Variants in ERMARD observed in about 807,000 individuals in gnomAD.
ERMARD encodes ER membrane associated RNA degradation.
ERMARD carries 71 observed loss-of-function variants against 83.9 expected under a neutral mutation model. The ratio of observed to expected loss-of-function variants is 0.85; its 90% CI spans 0.70 to 1.03. ERMARD has a LOEUF of 1.03. Among genes scored for constraint, ERMARD ranks in the 50% least tolerant of loss-of-function variants. The pLI is 0.00. For missense variants in ERMARD, 838 were observed against 810.9 expected, an observed-to-expected ratio of 1.03 and a Z score of -0.41; for synonymous variants, 284 against 298.6, an observed-to-expected ratio of 0.95 and a Z score of 0.50.
At chr6:169,760,778 G>A in intron 8 of ERMARD, 22 bp downstream of exon 8, 1 of 1,553,170 alleles carries the variant, frequency 6.4e-7, no homozygotes, top group Non-Finnish European at 8.8e-7. Context: ...GTACATGGCA[G>A]AGTGGTTTGC....
At position 169,762,366 on chromosome 6, in the gene ERMARD, C is replaced by T. The variant is rs368634214; in HGVS notation, c.858-63C>T. On this transcript the variant is annotated intron_variant, in intron 8 of 17. Coordinates refer to ENST00000366773, the MANE Select transcript of ERMARD (RefSeq NM_018341.3). ...CTGGGATTACAGGCATGAGCCACTG[C>T]ACCTGGCCTAATATTTATTTTTGAA... 1.6e-3 allele frequency: 2,377 copies of T among 1,469,274 alleles called. 43 individuals carry two copies. In the South Asian group the frequency reaches 0.021, roughly 13 times the overall value. 91.0% of individuals were successfully genotyped at this position (1,469,274 alleles called of 1,614,324 possible).
chr6:169,773,089 T>A (rs558146019), intron 12 of ERMARD: 60 of 449,368 alleles, frequency 1.3e-4, no homozygotes, highest in African/African-American at 8.6e-4. Context: ...AGGGTGGGTG[T>A]GGCATTTGTG....
At chr6:169,761,673 G>GGTTTTGTTTTGTTTT (rs57170501) in intron 8 of ERMARD, among the ~76,000 whole-genome samples, 30,712 of 151,194 alleles carry the variant, frequency 0.2, 3,647 homozygotes, top group African/African-American at 0.34. Flanking sequence ...ATGTGTAAGT[G>GGTTTTGTTTTGTTTT]GTTTTGTTTT....
chr6:169,760,866 T>C (rs1791464822), intron 8 of ERMARD, 110 bp downstream of exon 8: 2 of 702,608 alleles, frequency 2.8e-6, no homozygotes, highest in Non-Finnish European at 4.8e-6. Flanking sequence ...GAAGAGAACC[T>C]GGACTGACTT....
At position 169,753,890 on chromosome 6, in the gene ERMARD, A is replaced by C. The variant is rs140054205; in HGVS notation, c.33A>C (p.Thr11=). MEVLIGDPIT[T]CLSPSVYDII... is the part of the protein sequence containing the mutation. ...TATTAATAGGGGACCCTATTACCAC[A>C]TGTCTTTCTCCCTCAGTGTATGATA... Residue 11 remains threonine, a synonymous_variant, in exon 2 of 18, where the codon ACA becomes ACC. Coordinates refer to ENST00000366773, the MANE Select transcript of ERMARD (RefSeq NM_018341.3). The C allele has an allele frequency of 9.4e-6, 15 of 1,602,514 alleles. No individual in the cohort carries two copies. Among genetic ancestry groups the C allele is most frequent in the Non-Finnish European group, 1.3e-5 (15 of 1,173,610 alleles).
In ERMARD at chr6:169,754,024, CAG is replaced by C. The variant is rs770450852; in HGVS notation, c.170_171del (p.Glu57ValfsTer19). ...ACAATCACAGACTGTGTGAGCTACACAGAGTCAGGTTTGTGCTGTCTTTGTAC... is the reference window on the plus strand; with the variant it reads ...ACAATCACAGACTGTGTGAGCTACACAGTCAGGTTTGTGCTGTCTTTGTAC... On this transcript the variant is annotated frameshift_variant, in exon 2 of 18. Transcript: ENST00000366773. LOFTEE classifies it high-confidence loss of function. The C allele has an allele frequency of 3.7e-6, 6 of 1,610,374 alleles. No homozygotes were observed. Among genetic ancestry groups the C allele is most frequent in the South Asian group, 1.1e-5 (1 of 90,688 alleles).
At chr6:169,751,837 A>G (rs2128338376) in intron 1 of ERMARD, 174 bp downstream of exon 1, 1 of 988,550 alleles carries the variant, frequency 1.0e-6, no homozygotes, top group African/African-American at 1.7e-5. Context: ...GCGGTATCGG[A>G]CGCTCGGCCC....
chr6:169,776,365 C>T, intron 15 of ERMARD, 90 bp from the exon 16 acceptor site: 1 of 1,557,776 alleles, frequency 6.4e-7, no homozygotes, highest in Non-Finnish European at 8.7e-7. Flanking sequence ...AGCCCTGGCT[C>T]CCAGAAAGCC....
rs768492983 is a variant in ERMARD, at chr6:169,755,417, C to G, written c.310C>G (p.Pro104Ala). ...YAPWFQWTSF[P>A]ELFPEIFDAL... ...ACCGTGGTTCCAGTGGACAAGTTTT[C>G]CAGAGGTTTGGCTTTTGAACAACCT... is the stretch of plus-strand genomic sequence containing the variant. The change falls in exon 3 of 18, where the codon CCA (proline) becomes GCA (alanine). Residue 104 changes from proline (P) to alanine (A), a missense_variant. Physicochemically the swap from Pro to Ala is conservative, Grantham distance 27 (BLOSUM62 -1). Transcript: ENST00000366773. The G allele has an allele frequency of 6.2e-6, 10 of 1,614,038 alleles. No individual in the cohort carries two copies. The South Asian group carries it at 9.9e-5, about 16-fold the overall frequency.
chr6:169,759,195 A>G (rs972465538), intron 6 of ERMARD, 130 bp downstream of exon 6: 12 of 784,278 alleles, frequency 1.5e-5, no homozygotes, highest in Non-Finnish European at 2.3e-5. Flanking sequence ...TTTTGAAGCT[A>G]AAATTGAATA....
In ERMARD at chr6:169,760,722, T is replaced by A. The variant is rs1202853834; in HGVS notation, c.823T>A (p.Trp275Arg). 2 of 1,614,060 alleles carry A rather than the reference T, an allele frequency of 1.2e-6. No homozygotes were observed. Among genetic ancestry groups the A allele is most frequent in the Non-Finnish European group, 1.7e-6 (2 of 1,179,924 alleles). Residue 275 changes from tryptophan (W) to arginine (R), a missense_variant, in exon 8 of 18, where the codon TGG becomes AGG. Transcript: ENST00000366773. The part of the protein sequence containing the change: ...AFILKIMLPY[W>R]EVALVKFKSH... ...TATATTAAAAATCATGTTACCATATTGGGAAGTTGCACTGGTCAAGTTCAA... is the reference window on the plus strand; with the variant it reads ...TATATTAAAAATCATGTTACCATATAGGGAAGTTGCACTGGTCAAGTTCAA...
intron 5 of ERMARD, among the ~76,000 whole-genome samples, chr6:169,758,728 G>A (rs554609212): frequency 6.6e-6 from 1 of 152,258 alleles, no homozygotes; most frequent in South Asian, 2.1e-4. Context: ...CCTAGATGCT[G>A]GGGATAATCA....
chr6:169,772,307 G>A (rs1180169670), intron 12 of ERMARD, among the ~76,000 whole-genome samples: 1 of 152,184 alleles, frequency 6.6e-6, no homozygotes, highest in Admixed American at 6.5e-5. Flanking sequence ...TCTGCCCTGC[G>A]GGGACGTCAC....
chr6:169,751,710 T>C (rs1790121277), intron 1 of ERMARD, 47 bp downstream of exon 1: 4 of 1,527,304 alleles, frequency 2.6e-6, no homozygotes, highest in Non-Finnish European at 3.5e-6. Context: ...AGGCAGGGAG[T>C]CGGCGCCAGG....
chr6:169,773,302 T>C lies in ERMARD; in HGVS notation c.1234-17T>C, dbSNP rs578154174. On this transcript the variant is annotated splice_polypyrimidine_tract_variant and intron_variant, in intron 12 of 17. Coordinates refer to ENST00000366773, the MANE Select transcript of ERMARD (RefSeq NM_018341.3). Reference sequence around the variant, plus strand: ...CCCACCCAAACATGATAGTAACCACTGTTTTCTCTGCACTAGGAAAAATCA... The same window carrying C: ...CCCACCCAAACATGATAGTAACCACCGTTTTCTCTGCACTAGGAAAAATCA... 4 of 1,612,672 alleles carry C rather than the reference T, an allele frequency of 2.5e-6. No individual in the cohort carries two copies. The South Asian group carries it at 4.4e-5, about 18-fold the overall frequency.
At position 169,775,993 on chromosome 6, in the gene ERMARD, C is replaced by T. The variant is rs776602765; in HGVS notation, c.1448C>T (p.Thr483Met). The T allele has an allele frequency of 1.2e-5, 20 of 1,614,010 alleles. No homozygotes were observed. The highest frequency in any genetic ancestry group is 8.9e-5 in the East Asian group (4 of 44,894). ...NACHSLITKMTDELYHHMPEN... is the reference protein window; with the variant it reads ...NACHSLITKMMDELYHHMPEN... ...TGCCACTCTTTGATTACAAAAATGA[C>T]GGATGAGCTGTATCACCATATGCCT... Residue 483 changes from threonine (T) to methionine (M), a missense_variant, in exon 15 of 18, where the codon ACG becomes ATG. Thr to Met is a moderately conservative substitution (Grantham distance 81, BLOSUM62 -1). Transcript: ENST00000366773.
Position 169,760,759 on chromosome 6 carries a change from A to T in ERMARD, c.857+3A>T, listed in dbSNP as rs1357636420. 1.2e-6 allele frequency: 2 copies of T among 1,600,576 alleles called. No homozygotes were observed. The highest frequency in any genetic ancestry group is 1.3e-5 in the African/African-American group (1 of 74,586). On this transcript the variant is annotated splice_donor_region_variant and intron_variant, in intron 8 of 17. Coordinates refer to ENST00000366773, the MANE Select transcript of ERMARD (RefSeq NM_018341.3). Reference sequence around the variant, plus strand: ...CTGGTCAAGTTCAAGTCACACAGGTAACTAAAGGGTACATGGCAGAGTGGT... The same window carrying T: ...CTGGTCAAGTTCAAGTCACACAGGTTACTAAAGGGTACATGGCAGAGTGGT...
intron 12 of ERMARD, 24 bp from the exon 13 acceptor site, chr6:169,773,295 T>C: frequency 6.2e-7 from 1 of 1,609,676 alleles, no homozygotes; most frequent in Non-Finnish European, 8.5e-7. Context: ...AACATGATAG[T>C]AACCACTGTT....
rs372782914 is a variant in ERMARD, at chr6:169,775,289, G to A, written c.1337G>A (p.Ser446Asn). 1.3e-4 allele frequency: 202 copies of A among 1,614,112 alleles called. 1 individual carries two copies. The highest frequency in any genetic ancestry group is 1.7e-4 in the Non-Finnish European group (197 of 1,180,054). ...TCCCAGGTGCTGAGCTGTGAGGAGA[G>A]CATCAGGGTTTGGGCTCTGCTGCCT... ...LKKQVLSCEESIRVWALLPFP... is the reference protein window; with the variant it reads ...LKKQVLSCEENIRVWALLPFP... The change falls in exon 14 of 18, where the codon AGC (serine) becomes AAC (asparagine). Residue 446 changes from serine (S) to asparagine (N), a missense_variant. Physicochemically the swap from Ser to Asn is conservative, Grantham distance 46 (BLOSUM62 1). Transcript: ENST00000366773.
Sources: gnomAD v4.1 joint callset for allele counts (sites outside exome capture counted in the v4.1 genomes callset) on GRCh38, gnomAD v4.1.1 for gene constraint, MANE v1.5 for transcripts, NCBI Gene and HGNC (gene_info 2026-07-23, HGNC 2026-07-21) for gene names.